Variants in MED27 observed in about 807,000 individuals in gnomAD.
The protein encoded by MED27 is mediator of RNA polymerase II transcription subunit 27.
In MED27, 30 loss-of-function variants were observed where a neutral mutation model predicts 38.2. The observed-to-expected ratio is 0.79, with a 90% CI of 0.59 to 1.07. The LOEUF (loss-of-function observed/expected upper bound fraction) is 1.07. Among genes scored for constraint, MED27 ranks in the 50% least tolerant of loss-of-function variants. The probability of loss-of-function intolerance (pLI) is 0.00; values close to 1 mark genes in which losing one functional copy is unlikely to be tolerated. For synonymous variants in MED27, 122 were observed against 153.5 expected (o/e 0.79, Z 1.52); for missense variants, 289 against 397.5 (o/e 0.73, Z 2.32).
intron 3 of MED27, among the ~76,000 whole-genome samples, chr9:132,011,993 A>G (rs1017233748): frequency 1.3e-5 from 2 of 148,970 alleles, no homozygotes; most frequent in African/African-American, 5.0e-5. Context: ...TGATTGCCCT[A>G]ATGCCTAAAA....
chr9:131,998,205 A>G (rs1454836399), intron 3 of MED27, among the ~76,000 whole-genome samples: 1 of 152,026 alleles, frequency 6.6e-6, no homozygotes, highest in Admixed American at 6.5e-5. Context: ...AGCTACGAAC[A>G]GCAAAACAGG....
intron 2 of MED27, among the ~76,000 whole-genome samples, chr9:132,074,405 G>A (rs905511248): frequency 6.6e-6 from 1 of 152,188 alleles, no homozygotes; most frequent in East Asian, 1.9e-4. Flanking sequence ...AAAACAGAAA[G>A]TTCATCTCAT....
intron 4 of MED27, among the ~76,000 whole-genome samples, chr9:131,924,310 G>A (rs939636083): frequency 2.6e-5 from 4 of 151,894 alleles, no homozygotes; most frequent in Non-Finnish European, 4.4e-5. Context: ...ATTTTAATTC[G>A]CATTTCCCTA....
intron 4 of MED27, among the ~76,000 whole-genome samples, chr9:131,925,368 T>C (rs1830464405): frequency 6.6e-6 from 1 of 152,232 alleles, no homozygotes. Flanking sequence ...CCCTCAAGCA[T>C]TTATATTTTG....
intron 2 of MED27, among the ~76,000 whole-genome samples, chr9:132,047,718 T>A (rs745460985): frequency 1.9e-4 from 29 of 152,180 alleles, no homozygotes; most frequent in Non-Finnish European, 3.4e-4. Context: ...ATGCCCTGAA[T>A]GGAATATTAT....
intron 4 of MED27, among the ~76,000 whole-genome samples, chr9:131,898,677 A>C (rs564412418): frequency 6.6e-6 from 1 of 151,142 alleles, no homozygotes; most frequent in South Asian, 2.1e-4. Flanking sequence ...ACCTCCCTTC[A>C]AAGTTCAAGC....
At chr9:132,044,613 T>C (rs990875399) in intron 2 of MED27, among the ~76,000 whole-genome samples, 1 of 152,242 alleles carries the variant, frequency 6.6e-6, no homozygotes. Flanking sequence ...AAGCTAACTT[T>C]GTTTATCCTT....
chr9:131,940,636 G>A (rs945262416), intron 3 of MED27, among the ~76,000 whole-genome samples: 1 of 152,058 alleles, frequency 6.6e-6, no homozygotes, highest in African/African-American at 2.4e-5. Context: ...GGCTGGTCTC[G>A]AACTCCTGAC....
chr9:131,908,874 TA>T (rs34481836), intron 4 of MED27, among the ~76,000 whole-genome samples: 77,991 of 137,018 alleles, frequency 0.57, 22,010 homozygotes, highest in Middle Eastern at 0.67. Context: ...AATGATCAAT[TA>T]AAAAAAAAAA....
At chr9:132,023,541 C>T (rs1031144249) in intron 2 of MED27, among the ~76,000 whole-genome samples, 3 of 152,152 alleles carry the variant, frequency 2.0e-5, no homozygotes, top group African/African-American at 7.2e-5. Flanking sequence ...CTGCTTTAAG[C>T]ACCATTTTCA....
At chr9:132,066,236 G>A (rs577436006) in intron 2 of MED27, among the ~76,000 whole-genome samples, 43 of 152,352 alleles carry the variant, frequency 2.8e-4, no homozygotes, top group Non-Finnish European at 5.0e-4. Context: ...GGTCTTCATC[G>A]AAGAGACACT....
At chr9:131,893,085 T>C (rs530514767) in intron 5 of MED27, among the ~76,000 whole-genome samples, 163 of 152,346 alleles carry the variant, frequency 1.1e-3, no homozygotes, top group Non-Finnish European at 1.9e-3. Flanking sequence ...CTATTCTCAT[T>C]ATAATGTGGC....
chr9:132,074,380 T>C (rs1359925363), intron 2 of MED27, among the ~76,000 whole-genome samples: 1 of 152,218 alleles, frequency 6.6e-6, no homozygotes, highest in Non-Finnish European at 1.5e-5. Flanking sequence ...GACTTTTCTA[T>C]GGCCAACAGC....
chr9:131,951,330 T>C (rs73658161), intron 3 of MED27, among the ~76,000 whole-genome samples: 84 of 152,316 alleles, frequency 5.5e-4, no homozygotes, highest in African/African-American at 2.0e-3. Context: ...GACTGTTTAT[T>C]TGTTTACCTT....
intron 4 of MED27, among the ~76,000 whole-genome samples, chr9:131,933,481 T>G (rs1007693577): frequency 6.6e-6 from 1 of 151,644 alleles, no homozygotes; most frequent in Non-Finnish European, 1.5e-5. Flanking sequence ...GAAAAAGAAA[T>G]AAAAAAGTAA....
chr9:132,039,616 C>A (rs145469407), intron 2 of MED27, among the ~76,000 whole-genome samples: 1 of 152,224 alleles, frequency 6.6e-6, no homozygotes, highest in African/African-American at 2.4e-5. Context: ...AAAGGCCACA[C>A]TGGATCCAAG....
At chr9:131,902,114 C>G (rs1361966298) in intron 4 of MED27, among the ~76,000 whole-genome samples, 1 of 152,130 alleles carries the variant, frequency 6.6e-6, no homozygotes. Flanking sequence ...AAAGCCTTGC[C>G]GATCGAGACT....
intron 3 of MED27, among the ~76,000 whole-genome samples, chr9:131,961,553 G>A (rs569360914): frequency 2.0e-5 from 3 of 152,216 alleles, no homozygotes; most frequent in Non-Finnish European, 4.4e-5. Context: ...CTGAGGGTCC[G>A]CTGACAGCCC....
chr9:132,012,415 G>A (rs1199265887), intron 3 of MED27, among the ~76,000 whole-genome samples: 1 of 152,198 alleles, frequency 6.6e-6, no homozygotes, highest in Non-Finnish European at 1.5e-5. Context: ...TGGCCCCTGT[G>A]CATGCAAGCA....
Sources: allele counts gnomAD v4.1 joint callset (sites outside exome capture counted in the v4.1 genomes callset), GRCh38; gene constraint gnomAD v4.1.1; transcripts MANE v1.5; gene names NCBI Gene and HGNC (gene_info 2026-07-23, HGNC 2026-07-21).